The following SEC11C variants were observed in gnomAD, a reference collection of about 807,000 sequenced individuals.
The protein encoded by SEC11C is signal peptidase complex catalytic subunit SEC11C.
Under a neutral mutation model 21.9 loss-of-function variants are expected in SEC11C, and 10 were observed. The observed-to-expected ratio is 0.46, with a 90% confidence interval of 0.28 to 0.77. The LOEUF is 0.77. Among genes scored for constraint, SEC11C ranks in the 30% least tolerant of loss-of-function variants. The pLI, the probability that SEC11C is intolerant of heterozygous loss-of-function variation, is 0.12. For synonymous variants in SEC11C, 83 were observed against 85.6 expected, an observed-to-expected ratio of 0.97 and a Z score of 0.17; for missense variants, 145 against 244.5, an observed-to-expected ratio of 0.59 and a Z score of 2.71.
intron 3 of SEC11C, among the ~76,000 whole-genome samples, chr18:59,153,763 A>T (rs1164773137): frequency 6.6e-6 from 1 of 151,014 alleles, no homozygotes; most frequent in African/African-American, 2.4e-5. Flanking sequence ...CTGGAGTGCA[A>T]TGGCATGATC....
chr18:59,156,454 T>C (rs1488095991), intron 4 of SEC11C: 2 of 152,270 alleles, frequency 1.3e-5, no homozygotes, highest in Non-Finnish European at 2.9e-5. Flanking sequence ...GGCTACAAGC[T>C]GTTTTATTGC....
chr18:59,149,677 G>T, intron 2 of SEC11C, 55 bp downstream of exon 2: 1 of 1,129,004 alleles, frequency 8.9e-7, no homozygotes, highest in Non-Finnish European at 1.3e-6. Flanking sequence ...GGCTGCCTTG[G>T]GCCTGAGGAG....
intron 1 of SEC11C, among the ~76,000 whole-genome samples, chr18:59,142,417 C>T (rs553853353): frequency 3.3e-5 from 5 of 152,204 alleles, no homozygotes; most frequent in African/African-American, 9.6e-5. Context: ...TGTCTGAAAA[C>T]GGCAATCGTT....
Position 59,152,667 on chromosome 18 carries a change from TA to T in SEC11C, c.331del (p.Ile111SerfsTer14). On this transcript the variant is annotated frameshift_variant, in exon 3 of 6. Transcript: ENST00000587834. LOFTEE classifies it high-confidence loss of function. ...CGAGACATTCCAATAGTTCACAGAG[TA>T]ATCAAAGTTCATGAAAAGTAAAGAG... Reference protein sequence around the residue: ...EGRDIPIVHRVIKVHEKDNGD... With the variant: ...EGRDIPIVHRXIKVHEKDNGD... The T allele has an allele frequency of 6.3e-7, 1 of 1,594,398 alleles. No individual in the cohort carries two copies. The highest frequency in any genetic ancestry group is 1.2e-5 in the South Asian group (1 of 86,800).
Position 59,149,587 on chromosome 18 carries a change from C to A in SEC11C, c.162C>A (p.Leu54=). The change falls in exon 2 of 6, where the codon CTC becomes CTA. Residue 54 remains leucine, a synonymous_variant. Coordinates refer to ENST00000587834, the MANE Select transcript of SEC11C (RefSeq NM_033280.4). ...TGATATGGAAAGGCTTGATCGTGCT[C>A]ACAGGCAGTGAGAGCCCCATCGTGG... is the stretch of plus-strand genomic sequence containing the variant. ...ALMIWKGLIV[L]TGSESPIVVV... is the part of the protein sequence containing the mutation. 1 of 1,612,910 alleles carries A rather than the reference C, an allele frequency of 6.2e-7. No homozygotes were observed. The highest frequency in any genetic ancestry group is 1.1e-5 in the South Asian group (1 of 90,994).
chr18:59,144,052 C>G (rs1188713531), intron 1 of SEC11C, among the ~76,000 whole-genome samples: 9 of 152,060 alleles, frequency 5.9e-5, no homozygotes, highest in African/African-American at 2.2e-4. Context: ...TCGGGTTTCA[C>G]CATGTTGGCC....
At position 59,140,185 on chromosome 18, in the gene SEC11C, A is replaced by T. The variant is rs115867643; in HGVS notation, c.87+150A>T. On this transcript the variant is annotated intron_variant, in intron 1 of 5. Transcript: ENST00000587834. ...GCTGGGCTCTCAGGCCCTGGGTTCT[A>T]CGCCTACGTGTGGGCATGGGTGTGC... 2.4e-3 allele frequency: 1,455 copies of T among 618,910 alleles called. 15 individuals carry two copies. In the African/African-American group the frequency reaches 0.024, roughly 10 times the overall value. 38.3% of individuals were successfully genotyped at this position (618,910 alleles called of 1,614,324 possible).
chr18:59,149,117 G>T (rs1044075839), intron 1 of SEC11C, among the ~76,000 whole-genome samples: 4 of 152,230 alleles, frequency 2.6e-5, no homozygotes, highest in Non-Finnish European at 5.9e-5. Flanking sequence ...ACAGTGTGTG[G>T]ATCTGGGTTA....
chr18:59,145,557 C>T (rs374318203), intron 1 of SEC11C, among the ~76,000 whole-genome samples: 4 of 152,126 alleles, frequency 2.6e-5, no homozygotes, highest in South Asian at 2.1e-4. Flanking sequence ...TGGGGTGAGG[C>T]GAGCTTCACA....
At chr18:59,153,865 C>T (rs970167093) in intron 3 of SEC11C, among the ~76,000 whole-genome samples, 2 of 152,106 alleles carry the variant, frequency 1.3e-5, no homozygotes, top group Non-Finnish European at 2.9e-5. Flanking sequence ...TGCCACCACA[C>T]CCGGCTAATT....
At chr18:59,140,353 CTG>C (rs2144020101) in intron 1 of SEC11C, among the ~76,000 whole-genome samples, 1 of 152,342 alleles carries the variant, frequency 6.6e-6, no homozygotes, top group African/African-American at 2.4e-5. Flanking sequence ...CGACAGCTCT[CTG>C]AGCGTATTTG....
intron 5 of SEC11C, 118 bp from the exon 6 acceptor site, chr18:59,158,514 G>A (rs1448188729): frequency 1.2e-6 from 1 of 800,200 alleles, no homozygotes; most frequent in African/African-American, 1.7e-5. Context: ...ATGGGGGGAA[G>A]AGGTAATCTT....
At chr18:59,154,102 G>A (rs907629942) in intron 3 of SEC11C, among the ~76,000 whole-genome samples, 8 of 152,152 alleles carry the variant, frequency 5.3e-5, no homozygotes, top group African/African-American at 1.9e-4. Flanking sequence ...TCAACCTGTG[G>A]TGATACACTG....
intron 3 of SEC11C, 82 bp from the exon 4 acceptor site, chr18:59,155,606 T>G (rs560398143): frequency 6.9e-7 from 1 of 1,453,450 alleles, no homozygotes; most frequent in South Asian, 1.2e-5. Flanking sequence ...TGTCTGACAG[T>G]AAAGTCTTGA....
chr18:59,154,194 G>A (rs777952703), intron 3 of SEC11C, among the ~76,000 whole-genome samples: 1 of 152,144 alleles, frequency 6.6e-6, no homozygotes, highest in Non-Finnish European at 1.5e-5. Context: ...GACAGTACTC[G>A]CACTGACTTA....
At chr18:59,155,881 TA>T (rs764529049) in intron 4 of SEC11C, 74 bp downstream of exon 4, 341 of 1,523,562 alleles carry the variant, frequency 2.2e-4, no homozygotes, top group Non-Finnish European at 2.9e-4. Flanking sequence ...ATCAATAGGC[TA>T]ATGAGTCGTT....
intron 2 of SEC11C, 73 bp from the exon 3 acceptor site, chr18:59,152,463 C>A: frequency 6.8e-7 from 1 of 1,461,652 alleles, no homozygotes; most frequent in Non-Finnish European, 9.1e-7. Context: ...TTGAGTTTCA[C>A]CTCTGACATG....
intron 1 of SEC11C, among the ~76,000 whole-genome samples, chr18:59,140,399 C>T (rs1257366599): frequency 6.6e-6 from 1 of 152,192 alleles, no homozygotes; most frequent in Non-Finnish European, 1.5e-5. Flanking sequence ...ACCGATTTCT[C>T]TGTGGGGCTT....
At chr18:59,153,867 C>T (rs979783403) in intron 3 of SEC11C, among the ~76,000 whole-genome samples, 16 of 151,968 alleles carry the variant, frequency 1.1e-4, no homozygotes, top group South Asian at 1.0e-3. Flanking sequence ...CCACCACACC[C>T]GGCTAATTTT....
Sources: allele counts gnomAD v4.1 joint callset (sites outside exome capture counted in the v4.1 genomes callset), GRCh38; gene constraint gnomAD v4.1.1; transcripts MANE v1.5; gene names NCBI Gene and HGNC (gene_info 2026-07-23, HGNC 2026-07-21).